Variants in NFATC1 observed in about 807,000 individuals in gnomAD.
NFATC1 encodes nuclear factor of activated T-cells, cytoplasmic 1.
Under a neutral mutation model 76.0 loss-of-function variants are expected in NFATC1, and 22 were observed. That is an observed-to-expected ratio of 0.29 (90% confidence interval 0.21 to 0.41). The LOEUF (loss-of-function observed/expected upper bound fraction) is 0.41. Among genes scored for constraint, NFATC1 ranks in the 10% least tolerant of loss-of-function variants. NFATC1 has a pLI of 1.00. For synonymous variants in NFATC1, 704 were observed against 613.1 expected, an observed-to-expected ratio of 1.15 and a Z score of -2.19; for missense variants, 1,357 against 1,337.7, an observed-to-expected ratio of 1.01 and a Z score of -0.23.
chr18:79,493,330 T>TCGGGGCCCGCTG, intron 9 of NFATC1: 1 of 152,382 alleles, frequency 6.6e-6, no homozygotes, highest in South Asian at 2.1e-4. Flanking sequence ...ACGGAGGCGC[T>TCGGGGCCCGCTG]CGGGGCCCGC....
At chr18:79,483,635 C>T (rs2089394806) in intron 8 of NFATC1, among the ~76,000 whole-genome samples, 1 of 135,694 alleles carries the variant, frequency 7.4e-6, no homozygotes, top group South Asian at 2.5e-4. Flanking sequence ...GTCACTCTGG[C>T]GTGACCTGGT....
At chr18:79,411,764 C>CCGCAG (rs1339512388) in intron 2 of NFATC1, among the ~76,000 whole-genome samples, 2 of 152,242 alleles carry the variant, frequency 1.3e-5, no homozygotes, top group Non-Finnish European at 2.9e-5. Flanking sequence ...TCCTCTCGGG[C>CCGCAG]CCTGCTGATG....
chr18:79,485,291 G>A (rs552650220), intron 8 of NFATC1, among the ~76,000 whole-genome samples: 184 of 152,380 alleles, frequency 1.2e-3, no homozygotes, highest in African/African-American at 4.3e-3. Flanking sequence ...GTGGCACCAC[G>A]CGTCTGTTAG....
chr18:79,501,323 A>G (rs142909590), intron 9 of NFATC1, among the ~76,000 whole-genome samples: 1 of 152,200 alleles, frequency 6.6e-6, no homozygotes, highest in Non-Finnish European at 1.5e-5. Flanking sequence ...ACACAAGGGA[A>G]CTTCTTAACC....
intron 1 of NFATC1, chr18:79,400,186 G>A: frequency 1.7e-6 from 2 of 1,146,588 alleles, no homozygotes; most frequent in Non-Finnish European, 2.1e-6. Context: ...ACTCGTGTCC[G>A]GGGAGTTTAT....
chr18:79,400,375 C>CCCCGGA (rs2085157832), intron 1 of NFATC1: 3 of 1,476,222 alleles, frequency 2.0e-6, no homozygotes, highest in East Asian at 6.1e-5. Flanking sequence ...CCCGCCCCGG[C>CCCCGGA]CCCGGCCCGA....
At chr18:79,467,353 C>T (rs1466019844) in intron 7 of NFATC1, 97 bp from the exon 8 acceptor site, 10 of 1,243,624 alleles carry the variant, frequency 8.0e-6, no homozygotes, top group African/African-American at 1.6e-5. Flanking sequence ...GCCGTGTGGC[C>T]GCCGTGGAAA....
chr18:79,485,444 C>G (rs1332099087), intron 8 of NFATC1, among the ~76,000 whole-genome samples: 1 of 152,268 alleles, frequency 6.6e-6, no homozygotes, highest in Non-Finnish European at 1.5e-5. Flanking sequence ...CTCCTGCTGA[C>G]TGCACACCCT....
rs563771789 is a variant in NFATC1, at chr18:79,410,180, C to T, written c.128-223C>T. 1 of 768,782 alleles carries T rather than the reference C, an allele frequency of 1.3e-6. No homozygotes were observed. Among genetic ancestry groups the T allele is most frequent in the Non-Finnish European group, 2.3e-6 (1 of 432,202 alleles). The allele number at this position is 768,782 out of a possible 1,614,324, so 47.6% of individuals were successfully genotyped here. ...CTGTTAGGGGAGGAGGGGAGGTGGG[C>T]AGTGAGGGGCTCACGGGAGCCTTGT... On this transcript the variant is annotated intron_variant, in intron 1 of 9. Coordinates refer to ENST00000427363, the MANE Select transcript of NFATC1 (RefSeq NM_001278669.2). This position sits in a 1 kb window ranked among gnomAD's most constrained non-coding sequence, Gnocchi z 6.7.
At chr18:79,452,799 C>A (rs2087530413) in intron 6 of NFATC1, among the ~76,000 whole-genome samples, 1 of 152,196 alleles carries the variant, frequency 6.6e-6, no homozygotes, top group African/African-American at 2.4e-5. Flanking sequence ...CAGGGTGCGC[C>A]AGGTGAGGGG....
At chr18:79,466,571 G>A (rs60115988) in intron 7 of NFATC1, among the ~76,000 whole-genome samples, 30,579 of 152,196 alleles carry the variant, frequency 0.2, 3,917 homozygotes, top group African/African-American at 0.36. Flanking sequence ...TATACTTGAA[G>A]GAGCATGAGT....
At chr18:79,425,634 C>T (rs1250721319) in intron 2 of NFATC1, among the ~76,000 whole-genome samples, 9 of 152,180 alleles carry the variant, frequency 5.9e-5, no homozygotes, top group Admixed American at 5.9e-4. Flanking sequence ...CTGCCGAGGG[C>T]GCGATTCCGG....
intron 9 of NFATC1, among the ~76,000 whole-genome samples, chr18:79,518,037 C>G (rs2090426657): frequency 6.6e-6 from 1 of 152,224 alleles, no homozygotes; most frequent in Non-Finnish European, 1.5e-5. Flanking sequence ...CGCTGCCTCT[C>G]CCGGCTCTTC....
Position 79,410,350 on chromosome 18 carries a change from T to G in NFATC1, c.128-53T>G, listed in dbSNP as rs552984314. On this transcript the variant is annotated intron_variant, in intron 1 of 9. Transcript: ENST00000427363. The surrounding 1 kb of genome is among the most constrained non-coding windows in gnomAD (Gnocchi z 6.7). Reference sequence around the variant, plus strand: ...GGCCGGCCCTGAGTTCATGGGTTTCTGCTTTGTGATGCCCAGCCCCTCATG... The same window carrying G: ...GGCCGGCCCTGAGTTCATGGGTTTCGGCTTTGTGATGCCCAGCCCCTCATG... 1 of 1,549,344 alleles carries G rather than the reference T, an allele frequency of 6.5e-7. No homozygotes were observed. Among genetic ancestry groups the G allele is most frequent in the African/African-American group, 1.4e-5 (1 of 73,600 alleles).
intron 9 of NFATC1, among the ~76,000 whole-genome samples, chr18:79,501,607 ACCC>A (rs990119780): frequency 8.1e-4 from 37 of 45,422 alleles, no homozygotes; most frequent in Non-Finnish European, 1.4e-3. Flanking sequence ...CCTACACCCC[ACCC>A]CCCCTCCCCC....
rs377122304 is a variant in NFATC1, at chr18:79,502,458, A to G, written c.2782+15521A>G. Among the ~76,000 whole-genome samples, 6 of 152,348 alleles carry G rather than the reference A, an allele frequency of 3.9e-5. No individual in the cohort carries two copies. The East Asian group carries it at 1.2e-3, about 29-fold the overall frequency. On this transcript the variant is annotated intron_variant, in intron 9 of 9. Transcript: ENST00000427363. The stretch of plus-strand genomic sequence containing the variant: ...ATGACATCAAAAGCACAGCTCATAA[A>G]ATAAAAACTTGATAAATGGAACCTC...
rs1320516083 is a variant in NFATC1, at chr18:79,528,790, T to C, written c.*1213T>C. 2 of 152,492 alleles carry C rather than the reference T, an allele frequency of 1.3e-5. No homozygotes were observed. The highest frequency in any genetic ancestry group is 2.9e-5 in the Non-Finnish European group (2 of 68,044). The allele number at this position is 152,492 out of a possible 1,614,324, so 9.4% of individuals were successfully genotyped here. ...CGTTGTGTGTTTTCAGATGAGTTAC[T>C]GTTAACAGGTAGGTTTGTGTAGGCC... On this transcript the variant is annotated 3_prime_UTR_variant, in exon 10 of 10. Transcript: ENST00000427363.
intron 3 of NFATC1, among the ~76,000 whole-genome samples, chr18:79,443,630 G>A (rs978376305): frequency 6.6e-6 from 1 of 152,244 alleles, no homozygotes; most frequent in African/African-American, 2.4e-5. Context: ...GCAAGCCCGT[G>A]GGGTCCCGTC....
rs148773007 is a variant in NFATC1, at chr18:79,441,792, G to A, written c.1387-6990G>A. On this transcript the variant is annotated intron_variant, in intron 3 of 9. Transcript: ENST00000427363. ...GGCCCTGGGGTCACGGGGTTGCGGC[G>A]TTTCCCACTTGCCTGTTTCAGGAGT... Among the ~76,000 whole-genome samples the A allele has an allele frequency of 1.3e-4, 20 of 152,184 alleles. No individual in the cohort carries two copies. In the East Asian group the frequency reaches 2.3e-3, roughly 18 times the overall value.
Sources: allele counts gnomAD v4.1 joint callset (sites outside exome capture counted in the v4.1 genomes callset), GRCh38; gene constraint gnomAD v4.1.1; non-coding constraint Gnocchi (gnomAD v3.1); transcripts MANE v1.5; gene names NCBI Gene and HGNC (gene_info 2026-07-23, HGNC 2026-07-21).